Variants in COL19A1 observed in about 807,000 individuals in gnomAD.
COL19A1 encodes the protein collagen alpha-1(XIX) chain.
Under a neutral mutation model 190.2 loss-of-function variants are expected in COL19A1, and 159 were observed. The observed-to-expected ratio is 0.84, with a 90% CI of 0.73 to 0.95. The LOEUF (loss-of-function observed/expected upper bound fraction) is 0.95, where lower values mean the gene tolerates loss of function less well. Among genes scored for constraint, COL19A1 ranks in the 40% least tolerant of loss-of-function variants. The pLI is 0.00. For synonymous variants in COL19A1, 509 were observed against 458.9 expected (o/e 1.11, Z -1.39); for missense variants, 1,418 against 1,431.9 (o/e 0.99, Z 0.16).
rs1786901123 is a variant in COL19A1 at position 70,149,617 on chromosome 6, A to G, written c.1894-87A>G. 2.0e-6 allele frequency: 3 copies of G among 1,535,620 alleles called. No individual in the cohort carries two copies. In the Admixed American group the frequency reaches 5.7e-5, roughly 29 times the overall value. On this transcript the variant is annotated intron_variant, in intron 27 of 50. Coordinates refer to ENST00000620364, the MANE Select transcript of COL19A1 (RefSeq NM_001858.6). ...CAAACCCTGTTGTTCCTCTAAGTAA[A>G]CTACAATGCTTAGTCTTTTATGTCA...
chr6:70,149,761 T>C (rs2150244871), intron 28 of COL19A1, 22 bp downstream of exon 28: 1 of 1,613,682 alleles, frequency 6.2e-7, no homozygotes, highest in East Asian at 2.2e-5. Context: ...AACTAATTTT[T>C]TAGCACAGCA....
At chr6:70,131,563 TACATTA>T (rs1484342802) in intron 18 of COL19A1, among the ~76,000 whole-genome samples, 3 of 152,350 alleles carry the variant, frequency 2.0e-5, no homozygotes, top group Admixed American at 6.5e-5. Flanking sequence ...TTATTGCTAG[TACATTA>T]ACATTATTTC....
At position 70,142,815 on chromosome 6, in the gene COL19A1, G is replaced by A; in HGVS notation, c.1621G>A (p.Asp541Asn). ...CATGGGACCCAGAGGACCGCCAGGA[G>A]ATGTTGTATGTATAATGTCTTTGAT... ...GSMGPRGPPG[D>N]VGLPGEHGIP... Residue 541 changes from aspartate (D) to asparagine (N), a missense_variant, in exon 23 of 51, where the codon GAT (aspartate) becomes AAT (asparagine). Physicochemically the swap from Asp to Asn is conservative, Grantham distance 23 (BLOSUM62 1). Transcript: ENST00000620364. 6.2e-7 allele frequency: 1 copy of A among 1,612,004 alleles called. No individual in the cohort carries two copies. Among genetic ancestry groups the A allele is most frequent in the Non-Finnish European group, 8.5e-7 (1 of 1,178,830 alleles).
At chr6:69,899,545 GA>G (rs201306433) in intron 3 of COL19A1, among the ~76,000 whole-genome samples, 3 of 150,706 alleles carry the variant, frequency 2.0e-5, no homozygotes, top group South Asian at 4.2e-4. Flanking sequence ...ACCTCTTGGA[GA>G]AAAAAAAACT....
chr6:70,188,349 T>C (rs901758202), intron 47 of COL19A1, 104 bp downstream of exon 47: 4 of 1,347,686 alleles, frequency 3.0e-6, no homozygotes, highest in Non-Finnish European at 3.9e-6. Context: ...AAAACAAACC[T>C]AAACTGGTCC....
chr6:69,983,335 A>AT (rs1447036950), intron 11 of COL19A1, among the ~76,000 whole-genome samples: 2 of 152,246 alleles, frequency 1.3e-5, no homozygotes, highest in East Asian at 1.9e-4. Context: ...AAATACATTG[A>AT]TTTTTGTTTA....
chr6:70,033,870 A>G (rs538961824), intron 12 of COL19A1, among the ~76,000 whole-genome samples: 3 of 152,262 alleles, frequency 2.0e-5, no homozygotes, highest in African/African-American at 7.2e-5. Flanking sequence ...TTTTTTGGCA[A>G]GCTTAACAAA....
intron 2 of COL19A1, among the ~76,000 whole-genome samples, chr6:69,887,206 T>G (rs781036866): frequency 2.6e-5 from 4 of 152,226 alleles, no homozygotes; most frequent in Non-Finnish European, 2.9e-5. Context: ...GAAAGCCCCT[T>G]TCTACTATCT....
chr6:69,928,083 C>T (rs758787643), intron 5 of COL19A1, 51 bp downstream of exon 5: 130 of 1,586,964 alleles, frequency 8.2e-5, no homozygotes, highest in Non-Finnish European at 1.1e-4. Context: ...GTAATTAAGC[C>T]AGGTGAATTA....
At chr6:70,037,472 T>TAA (rs879663668) in intron 14 of COL19A1, among the ~76,000 whole-genome samples, 1 of 147,680 alleles carries the variant, frequency 6.8e-6, no homozygotes, top group Non-Finnish European at 1.5e-5. Flanking sequence ...TTTGTAGAAT[T>TAA]AAAAAAAAAA....
intron 14 of COL19A1, among the ~76,000 whole-genome samples, chr6:70,058,953 C>G (rs1056814350): frequency 6.6e-6 from 1 of 151,958 alleles, no homozygotes; most frequent in Admixed American, 6.6e-5. Context: ...AGAAAGTGCA[C>G]GTATAAAACA....
At chr6:70,059,672 C>T in intron 14 of COL19A1, 2 of 378,588 alleles carry the variant, frequency 5.3e-6, no homozygotes, top group Non-Finnish European at 1.1e-5. Context: ...TTATGAATTC[C>T]ATTCTTTGTC....
chr6:70,024,582 C>CGTGTGTGTGTGTGTGT, intron 12 of COL19A1, among the ~76,000 whole-genome samples: 1 of 143,394 alleles, frequency 7.0e-6, no homozygotes, highest in Non-Finnish European at 1.5e-5. Context: ...TGGAGAAAGT[C>CGTGTGTGTGTGTGTGT]GTGTGTGTGT....
intron 1 of COL19A1, among the ~76,000 whole-genome samples, chr6:69,869,616 A>G (rs1307596049): frequency 6.6e-6 from 1 of 152,216 alleles, no homozygotes; most frequent in Non-Finnish European, 1.5e-5. Context: ...TTAATTTAAG[A>G]TGATATTGGA....
chr6:70,171,394 A>G (rs1765493340), intron 40 of COL19A1, among the ~76,000 whole-genome samples: 2 of 152,330 alleles, frequency 1.3e-5, no homozygotes, highest in South Asian at 4.1e-4. Context: ...ATTTTTAAAA[A>G]TAGAAAACAC....
chr6:69,870,927 G>T (rs1767786995), intron 1 of COL19A1, among the ~76,000 whole-genome samples: 1 of 152,092 alleles, frequency 6.6e-6, no homozygotes. Context: ...TGGGGTGAGG[G>T]TGAATAAATT....
intron 16 of COL19A1, among the ~76,000 whole-genome samples, chr6:70,106,629 A>G (rs1783988152): frequency 6.6e-6 from 1 of 152,220 alleles, no homozygotes; most frequent in African/African-American, 2.4e-5. Flanking sequence ...AGTGCTTGTC[A>G]TTGAACAGTG....
At chr6:69,904,401 G>A (rs982090484) in intron 4 of COL19A1, among the ~76,000 whole-genome samples, 1 of 152,210 alleles carries the variant, frequency 6.6e-6, no homozygotes, top group African/African-American at 2.4e-5. Flanking sequence ...GGAGGGGTGA[G>A]TTGTGATAAA....
At chr6:69,958,986 A>C (rs1170346359) in intron 9 of COL19A1, among the ~76,000 whole-genome samples, 1 of 152,240 alleles carries the variant, frequency 6.6e-6, no homozygotes, top group African/African-American at 2.4e-5. Flanking sequence ...ATTTGATAGA[A>C]ATAAAGCAGT....
Sources: allele counts gnomAD v4.1 joint callset (sites outside exome capture counted in the v4.1 genomes callset), GRCh38; gene constraint gnomAD v4.1.1; transcripts MANE v1.5; gene names NCBI Gene and HGNC (gene_info 2026-07-23, HGNC 2026-07-21).